ESPL1: variants seen among roughly 807,000 people sequenced by gnomAD.
The protein encoded by ESPL1 is extra spindle pole bodies like 1, separase, also known as separin.
A neutral mutation model predicts 217.2 loss-of-function variants in ESPL1; 50 were observed. That is an observed-to-expected ratio of 0.23 (90% CI 0.18 to 0.29). The LOEUF is 0.29. Among genes scored for constraint, ESPL1 ranks in the 10% least tolerant of loss-of-function variants. The probability of loss-of-function intolerance (pLI) is 1.00; values close to 1 mark genes in which losing one functional copy is unlikely to be tolerated. For synonymous variants in ESPL1, 994 were observed against 1,081.3 expected, an observed-to-expected ratio of 0.92 and a Z score of 1.58; for missense variants, 1,834 against 2,603.0, an observed-to-expected ratio of 0.70 and a Z score of 6.43.
chr12:53,279,100 AG>A (rs1222972957), intron 11 of ESPL1, among the ~76,000 whole-genome samples: 1 of 152,182 alleles, frequency 6.6e-6, no homozygotes, highest in Admixed American at 6.6e-5. Context: ...TATGTTGGCC[AG>A]GCTGATCTCG....
chr12:53,278,873 A>T (rs1157563191), intron 11 of ESPL1, among the ~76,000 whole-genome samples: 1 of 151,186 alleles, frequency 6.6e-6, no homozygotes, highest in East Asian at 2.0e-4. Flanking sequence ...GGCGTGAGCC[A>T]CCGCACCCAG....
chr12:53,277,329 T>G (rs556615395), intron 9 of ESPL1, 102 bp downstream of exon 9: 7 of 1,489,950 alleles, frequency 4.7e-6, no homozygotes, highest in Non-Finnish European at 6.3e-6. Flanking sequence ...TTCGTTATTT[T>G]TAGAGATGGG....
rs1943906107 is a variant in ESPL1, at chr12:53,284,039, C to T, written c.3078-19C>T. On this transcript the variant is annotated intron_variant, in intron 16 of 30. Coordinates refer to ENST00000257934, the MANE Select transcript of ESPL1 (RefSeq NM_012291.5). ...ACAAAGGATTCCTCTGATTGGTTCT[C>T]CTCTCCTCTCTCAACAAGGTGTGCC... is the stretch of plus-strand genomic sequence containing the variant. 1 of 1,558,246 alleles carries T rather than the reference C, an allele frequency of 6.4e-7. No homozygotes were observed. Among genetic ancestry groups the T allele is most frequent in the Non-Finnish European group, 8.9e-7 (1 of 1,129,326 alleles).
rs550430280 is a variant in ESPL1 at position 53,285,719 on chromosome 12, GA to G, written c.3188-198del. ...GAGAGACTCCATCTCAAAAAAAAAAGAAAAAAAGAAAAAGATTTTACCTAAA... is the reference window on the plus strand; with the variant it reads ...GAGAGACTCCATCTCAAAAAAAAAAGAAAAAAGAAAAAGATTTTACCTAAA... On this transcript the variant is annotated intron_variant, in intron 17 of 30. Coordinates refer to ENST00000257934, the MANE Select transcript of ESPL1 (RefSeq NM_012291.5). 2.7e-5 allele frequency among the ~76,000 whole-genome samples: 4 copies of G among 149,940 alleles called. No homozygotes were observed. The East Asian group carries it at 5.9e-4, about 22-fold the overall frequency.
chr12:53,268,462 G>GT, intron 1 of ESPL1, 85 bp downstream of exon 1: 1 of 358,298 alleles, frequency 2.8e-6, no homozygotes, highest in South Asian at 3.4e-5. Context: ...GGCGTGGGTG[G>GT]CTCCTGGAGG....
Position 53,290,379 on chromosome 12 carries a change from T to G in ESPL1, c.5274T>G (p.Asp1758Glu), listed in dbSNP as rs1944032144. The change falls in exon 24 of 31, where the codon GAT (aspartate) becomes GAG (glutamate). Residue 1758 changes from aspartate to glutamate, a missense_variant. This residue lies in a region of ESPL1 where 295 missense variants were observed against 519.8 expected (regional missense o/e 0.57). Coordinates refer to ENST00000257934, the MANE Select transcript of ESPL1 (RefSeq NM_012291.5). ...TGCGTTCAGTCCTGAATGAGTTTGA[T>G]GCCATCCAGAAGGCACAGAAAGAGA... ...LHLRSVLNEFDAIQKAQKENS... is the reference protein window; with the variant it reads ...LHLRSVLNEFEAIQKAQKENS... 1 of 1,613,210 alleles carries G rather than the reference T, an allele frequency of 6.2e-7. No individual in the cohort carries two copies. Among genetic ancestry groups the G allele is most frequent in the Admixed American group, 1.7e-5 (1 of 59,992 alleles).
intron 16 of ESPL1, 133 bp from the exon 17 acceptor site, chr12:53,283,925 G>A: frequency 1.4e-6 from 1 of 715,790 alleles, no homozygotes; most frequent in Non-Finnish European, 2.5e-6. Context: ...CTTTAAGTCA[G>A]CTTAAGGGAG....
chr12:53,293,239 C>T lies in ESPL1; in HGVS notation c.6162-34C>T, dbSNP rs1944093540. ...TTTCCTATGTATTCTGTTTTAGAGC[C>T]CTTACTTTGTATTTCCTCCTTTTCT... On this transcript the variant is annotated intron_variant, in intron 30 of 30. Coordinates refer to ENST00000257934, the MANE Select transcript of ESPL1 (RefSeq NM_012291.5). The surrounding 1 kb of genome is among the most constrained non-coding windows in gnomAD (Gnocchi z 4.2). 2 of 1,562,954 alleles carry T rather than the reference C, an allele frequency of 1.3e-6. No individual in the cohort carries two copies. The highest frequency in any genetic ancestry group is 3.3e-5 in the Admixed American group (2 of 59,900).
chr12:53,276,581 C>T (rs201587677), intron 7 of ESPL1, 39 bp from the exon 8 acceptor site: 3 of 1,552,720 alleles, frequency 1.9e-6, no homozygotes, highest in Admixed American at 3.8e-5. Context: ...CTTTATGCCT[C>T]CTGGGTTCCA....
chr12:53,286,325 C>T lies in ESPL1; in HGVS notation c.3589C>T (p.Arg1197Cys), dbSNP rs749402808. 4 of 1,614,202 alleles carry T rather than the reference C, an allele frequency of 2.5e-6. No homozygotes were observed. Among genetic ancestry groups the T allele is most frequent in the African/African-American group, 1.3e-5 (1 of 75,070 alleles). Residue 1197 changes from arginine to cysteine, a missense_variant, in exon 18 of 31, where the codon CGC becomes TGC. This residue lies in a region of ESPL1 where 681 missense variants were observed against 808.0 expected (regional missense o/e 0.84). Coordinates refer to ENST00000257934, the MANE Select transcript of ESPL1 (RefSeq NM_012291.5). The surrounding 1 kb of genome is among the most constrained non-coding windows in gnomAD (Gnocchi z 5.3). Reference sequence around the variant, plus strand: ...GAAGGGCTGTCCTGAAGCCGCTGAGCGCCTCACCCAAGCTCTCCAAGCTTC... The same window carrying T: ...GAAGGGCTGTCCTGAAGCCGCTGAGTGCCTCACCCAAGCTCTCCAAGCTTC... Reference protein sequence around the residue: ...VLKGCPEAAERLTQALQASLN... With the variant: ...VLKGCPEAAECLTQALQASLN...
rs1452489325 is a variant in ESPL1, at chr12:53,292,258, C to A, written c.5797-20C>A. 6.4e-7 allele frequency: 1 copy of A among 1,569,600 alleles called. No individual in the cohort carries two copies. The highest frequency in any genetic ancestry group is 1.1e-5 in the South Asian group (1 of 90,126). ...CTCTTGGTGAGACAAGCATCCTAATCGCCAGTGTCTCCTCCTCAGTATGGG... is the reference window on the plus strand; with the variant it reads ...CTCTTGGTGAGACAAGCATCCTAATAGCCAGTGTCTCCTCCTCAGTATGGG... On this transcript the variant is annotated intron_variant, in intron 27 of 30. Transcript: ENST00000257934. The surrounding 1 kb of genome is among the most constrained non-coding windows in gnomAD (Gnocchi z 4.5).
At position 53,270,773 on chromosome 12, in the gene ESPL1, G is replaced by A. The variant is rs1249325755; in HGVS notation, c.1344G>A (p.Glu448=). The change falls in exon 5 of 31, where the codon GAG becomes GAA. Residue 448 remains glutamate (E), a synonymous_variant. Transcript: ENST00000257934. The part of the protein sequence containing the change: ...LEALEGLSGQ[E]LTDHMGMTAS... ...CCTTAGAGGGCCTGTCGGGCCAAGAGCTGACGGACCACATGGGGATGACCG... is the reference window on the plus strand; with the variant it reads ...CCTTAGAGGGCCTGTCGGGCCAAGAACTGACGGACCACATGGGGATGACCG... 3.7e-6 allele frequency: 6 copies of A among 1,614,244 alleles called. No homozygotes were observed. The East Asian group carries it at 6.7e-5, about 18-fold the overall frequency.
Position 53,270,000 on chromosome 12 carries a change from G to A in ESPL1, c.1058G>A (p.Arg353Lys), listed in dbSNP as rs760296708. 1.2e-6 allele frequency: 2 copies of A among 1,614,210 alleles called. No homozygotes were observed. The highest frequency in any genetic ancestry group is 1.7e-6 in the Non-Finnish European group (2 of 1,180,030). Residue 353 changes from arginine to lysine, a missense_variant, in exon 3 of 31, where the codon AGG becomes AAG. Arg to Lys is a conservative substitution (Grantham distance 26). This residue lies in a region of ESPL1 where 746 missense variants were observed against 1,077.0 expected (regional missense o/e 0.69). Transcript: ENST00000257934. The surrounding 1 kb of genome is among the most constrained non-coding windows in gnomAD (Gnocchi z 6.7). ...FLSGLERGTKRRYRLDAILSL... is the reference protein window; with the variant it reads ...FLSGLERGTKKRYRLDAILSL... ...TCAGGCCTGGAACGAGGCACCAAGA[G>A]GCGCTATAGACTTGATGCCATTCTG...
chr12:53,270,851 A>T, intron 5 of ESPL1, 53 bp downstream of exon 5: 1 of 1,604,556 alleles, frequency 6.2e-7, no homozygotes. Flanking sequence ...ATCACCCATT[A>T]GGCAGGTGAA....
At chr12:53,268,680 A>T in intron 1 of ESPL1, 75 bp from the exon 2 acceptor site, 1 of 859,772 alleles carries the variant, frequency 1.2e-6, no homozygotes, top group Non-Finnish European at 1.8e-6. Context: ...GCCTCCTTCC[A>T]CGACCTTCAG....
In ESPL1 at chr12:53,277,842, A is replaced by G; in HGVS notation, c.2246A>G (p.Gln749Arg). ...ADAAQSKCLD[Q>R]ALALWKELLT... is the part of the protein sequence containing the mutation. ...ACAGCTCAGTCCAAATGCCTGGACC[A>G]AGCCCTGGCCCTGTGGAAGGAGCTG... is the stretch of plus-strand genomic sequence containing the variant. Residue 749 changes from glutamine to arginine, a missense_variant, in exon 11 of 31, where the codon CAA becomes CGA. Physicochemically the swap from Gln to Arg is conservative, Grantham distance 43. Coordinates refer to ENST00000257934, the MANE Select transcript of ESPL1 (RefSeq NM_012291.5). 2 of 1,614,184 alleles carry G rather than the reference A, an allele frequency of 1.2e-6. No individual in the cohort carries two copies. The highest frequency in any genetic ancestry group is 1.7e-6 in the Non-Finnish European group (2 of 1,180,018).
rs953919933 is a variant in ESPL1, at chr12:53,293,322, C to T, written c.6211C>T (p.Arg2071Cys). The change falls in exon 31 of 31, where the codon CGC (arginine) becomes TGC (cysteine). Residue 2071 changes from arginine to cysteine, a missense_variant. Arg to Cys is a radical substitution (Grantham distance 180). Around this residue, in one of 5 missense-constraint regions of ESPL1, gnomAD observed 295 missense variants for 519.8 expected, o/e 0.57. Transcript: ENST00000257934. The surrounding 1 kb of genome is among the most constrained non-coding windows in gnomAD (Gnocchi z 4.2). ...LWDVTDRDID[R>C]YTEALLQGWL... Reference sequence around the variant, plus strand: ...GGATGTGACTGACCGCGACATTGACCGCTACACGGAAGCTCTGCTGCAAGG... The same window carrying T: ...GGATGTGACTGACCGCGACATTGACTGCTACACGGAAGCTCTGCTGCAAGG... 11 of 1,614,028 alleles carry T rather than the reference C, an allele frequency of 6.8e-6. No homozygotes were observed. Among genetic ancestry groups the T allele is most frequent in the African/African-American group, 1.3e-5 (1 of 74,916 alleles).
rs770817184 is a variant in ESPL1 at position 53,289,128 on chromosome 12, G to A, written c.4747G>A (p.Val1583Ile). Residue 1583 changes from valine (V) to isoleucine (I), a missense_variant, in exon 21 of 31, where the codon GTT (valine) becomes ATT (isoleucine). Around this residue, in one of 5 missense-constraint regions of ESPL1, gnomAD observed 681 missense variants for 808.0 expected, o/e 0.84. Transcript: ENST00000257934. ...TLDSICDSLS[V>I]AFRGISHCPP... ...GGACTCCATCTGTGACTCCCTGAGT[G>A]TTGCTTTCCGGGGCATTAGTCACTG... The A allele has an allele frequency of 1.9e-6, 3 of 1,614,102 alleles. No individual in the cohort carries two copies. The highest frequency in any genetic ancestry group is 4.5e-5 in the East Asian group (2 of 44,900).
intron 22 of ESPL1, 135 bp downstream of exon 22, chr12:53,289,729 A>G (rs1944019073): frequency 1.4e-6 from 1 of 725,726 alleles, no homozygotes. Flanking sequence ...TTCACCTGTT[A>G]GCATCTTACA....
Sources: gnomAD v4.1 joint callset for allele counts (sites outside exome capture counted in the v4.1 genomes callset) on GRCh38, gnomAD v4.1.1 for gene constraint, gnomAD v4.1.1 regional missense constraint, Gnocchi (gnomAD v3.1) non-coding constraint, MANE v1.5 for transcripts, NCBI Gene and HGNC (gene_info 2026-07-23, HGNC 2026-07-21) for gene names.